The following ALDH6A1 variants were observed in gnomAD, a reference collection of about 807,000 sequenced individuals.
The protein encoded by ALDH6A1 is methylmalonate-semialdehyde/malonate-semialdehyde dehydrogenase [acylating], mitochondrial.
A neutral mutation model predicts 62.6 loss-of-function variants in ALDH6A1; 43 were observed. That is an observed-to-expected ratio of 0.69 (90% CI 0.54 to 0.89). The LOEUF (loss-of-function observed/expected upper bound fraction) is 0.89, where lower values mean the gene tolerates loss of function less well. Ranked by LOEUF, ALDH6A1 falls within the 40% of genes least tolerant of loss-of-function variation. ALDH6A1 has a pLI of 0.00. For synonymous variants in ALDH6A1, 194 were observed against 234.2 expected, an observed-to-expected ratio of 0.83 and a Z score of 1.57; for missense variants, 551 against 661.3, an observed-to-expected ratio of 0.83 and a Z score of 1.83.
At chr14:74,078,360 CTTTT>C (rs201196501) in intron 1 of ALDH6A1, 1 of 301,908 alleles carries the variant, frequency 3.3e-6, no homozygotes, top group African/African-American at 2.3e-5. Context: ...GAGGTATATA[CTTTT>C]TTTTTTTGAG....
intron 2 of ALDH6A1, among the ~76,000 whole-genome samples, chr14:74,074,687 TGACA>T (rs888353533): frequency 3.9e-5 from 6 of 152,132 alleles, no homozygotes; most frequent in Non-Finnish European, 7.4e-5. Context: ...TGGAAGTGGT[TGACA>T]GACAGATGAT....
intron 9 of ALDH6A1, chr14:74,065,807 C>T: frequency 5.4e-6 from 1 of 185,106 alleles, no homozygotes; most frequent in East Asian, 1.4e-4. Flanking sequence ...TTATTCACTC[C>T]TTTGCCTCCC....
At position 74,056,998 on chromosome 14, in the gene ALDH6A1, T is replaced by C; in HGVS notation, c.*3644A>G. 1 of 1,606,698 alleles carries C rather than the reference T, an allele frequency of 6.2e-7. No homozygotes were observed. The highest frequency in any genetic ancestry group is 8.5e-7 in the Non-Finnish European group (1 of 1,174,680). On this transcript the variant is annotated 3_prime_UTR_variant, in exon 12 of 12. Coordinates refer to ENST00000553458, the MANE Select transcript of ALDH6A1 (RefSeq NM_005589.4). ...GAATTTGGGTAAGAGCTCTCTTGCTTAAGTAATAAACATGAGCCCAACACG... is the reference window on the plus strand; with the variant it reads ...GAATTTGGGTAAGAGCTCTCTTGCTCAAGTAATAAACATGAGCCCAACACG...
At chr14:74,082,070 G>C (rs571057294) in intron 1 of ALDH6A1, among the ~76,000 whole-genome samples, 2 of 152,072 alleles carry the variant, frequency 1.3e-5, no homozygotes, top group African/African-American at 4.8e-5. Context: ...AGCTGGCATG[G>C]GGGCACGATC....
At chr14:74,076,221 A>G (rs539032659) in intron 1 of ALDH6A1, among the ~76,000 whole-genome samples, 19 of 152,340 alleles carry the variant, frequency 1.2e-4, no homozygotes, top group Admixed American at 2.0e-4. Context: ...ATAAAGCTAT[A>G]TTGAAATGCC....
Position 74,059,084 on chromosome 14 carries a change from CAA to C in ALDH6A1, c.*1556_*1557del, listed in dbSNP as rs35760969. ...GGGCAACAAGAGTGAAACTCCATCT[CAA>C]AAAAAAAAAAAAAAAAAAAAGCGTA... On this transcript the variant is annotated 3_prime_UTR_variant, in exon 12 of 12. Transcript: ENST00000553458. 890 of 49,642 alleles carry C rather than the reference CAA, an allele frequency of 0.018. No individual in the cohort carries two copies. Among genetic ancestry groups the C allele is most frequent in the South Asian group, 0.055 (138 of 2,494 alleles). The allele number at this position is 49,642 out of a possible 1,614,324, so 3.1% of individuals were successfully genotyped here. A position where few individuals can be genotyped will look rare whatever the true frequency, so the allele number is the denominator to read the frequency against.
In ALDH6A1 at chr14:74,071,513, C is replaced by A. The variant is rs2060548483; in HGVS notation, c.428-16G>T. 3 of 1,613,298 alleles carry A rather than the reference C, an allele frequency of 1.9e-6. No homozygotes were observed. In the South Asian group the frequency reaches 3.3e-5, roughly 18 times the overall value. On this transcript the variant is annotated splice_polypyrimidine_tract_variant and intron_variant, in intron 5 of 11. Transcript: ENST00000553458. ...TCAACCACCTCTGGAACACAGAAGT[C>A]AGGCCATCAGCTCTCCACACTGTGT...
rs139562677 is a variant in ALDH6A1, at chr14:74,062,983, C to T, written c.1503+1839G>A. Among the ~76,000 whole-genome samples, 243 of 152,256 alleles carry T rather than the reference C, an allele frequency of 1.6e-3. 10 individuals are homozygous for T. In the East Asian group the frequency reaches 0.043, roughly 27 times the overall value. On this transcript the variant is annotated intron_variant, in intron 11 of 11. Transcript: ENST00000553458. ...CCAGGTACTGCAGATAAGTAGATAA[C>T]AACTACAGTCTGATGAGGGCTTCTT...
intron 1 of ALDH6A1, among the ~76,000 whole-genome samples, chr14:74,084,138 G>C (rs1377410774): frequency 1.3e-5 from 2 of 152,126 alleles, no homozygotes; most frequent in Non-Finnish European, 2.9e-5. Context: ...AGGGTAGAGG[G>C]CCAAGGGTAA....
At chr14:74,075,283 T>C (rs535655352) in intron 1 of ALDH6A1, among the ~76,000 whole-genome samples, 1 of 152,284 alleles carries the variant, frequency 6.6e-6, no homozygotes, top group East Asian at 1.9e-4. Flanking sequence ...AATTTGGGCC[T>C]GGCAAATGTA....
Position 74,074,956 on chromosome 14 carries a change from A to G in ALDH6A1, c.110T>C (p.Val37Ala), listed in dbSNP as rs770633498. 1.9e-6 allele frequency: 3 copies of G among 1,613,918 alleles called. No homozygotes were observed. In the African/African-American group the frequency reaches 4.0e-5, roughly 22 times the overall value. Residue 37 changes from valine (V) to alanine (A), a missense_variant and splice_region_variant, in exon 2 of 12, where the codon GTG becomes GCG. By Grantham distance (64) the Val-to-Ala change is moderately conservative. Coordinates refer to ENST00000553458, the MANE Select transcript of ALDH6A1 (RefSeq NM_005589.4). ...WYSASSFSSSVPTVKLFIGGK... is the reference protein window; with the variant it reads ...WYSASSFSSSAPTVKLFIGGK... ...AACCTCTATGCCAAATAAACTCACC[A>G]CTGAAGAAGAGAAGGAAGATGCTGA...
Position 74,065,353 on chromosome 14 carries a change from A to G in ALDH6A1, c.1232T>C (p.Met411Thr). 1 of 1,614,040 alleles carries G rather than the reference A, an allele frequency of 6.2e-7. No individual in the cohort carries two copies. The highest frequency in any genetic ancestry group is 1.3e-5 in the African/African-American group (1 of 75,064). Residue 411 changes from methionine to threonine, a missense_variant, in exon 10 of 12, where the codon ATG becomes ACG. Physicochemically the swap from Met to Thr is moderately conservative, Grantham distance 81. Transcript: ENST00000553458. Reference sequence around the variant, plus strand: ...AAAAATCTCCTCTTTGTAACAGGTCATATTTGGCTGCCAGGAGTGATGCAT... The same window carrying G: ...AAAAATCTCCTCTTTGTAACAGGTCGTATTTGGCTGCCAGGAGTGATGCAT... The part of the protein sequence containing the change: ...PTIISNVKPN[M>T]TCYKEEIFGP...
chr14:74,072,409 C>T (rs753544118), intron 3 of ALDH6A1, 45 bp from the exon 4 acceptor site: 2 of 1,613,988 alleles, frequency 1.2e-6, no homozygotes, highest in Non-Finnish European at 1.7e-6. Context: ...GACTCACCTT[C>T]TCCACTGTAC....
In ALDH6A1 at chr14:74,069,038, C is replaced by T. The variant is rs1400077636; in HGVS notation, c.731-57G>A. On this transcript the variant is annotated intron_variant, in intron 6 of 11. Coordinates refer to ENST00000553458, the MANE Select transcript of ALDH6A1 (RefSeq NM_005589.4). Reference sequence around the variant, plus strand: ...AGGAGCAAATGGATTCTCAACATGGCAAATTTCCCCTTTCCCCACTGCTAT... The same window carrying T: ...AGGAGCAAATGGATTCTCAACATGGTAAATTTCCCCTTTCCCCACTGCTAT... 12 of 1,569,948 alleles carry T rather than the reference C, an allele frequency of 7.6e-6. 1 individual carries two copies. Among genetic ancestry groups the T allele is most frequent in the Non-Finnish European group, 1.7e-6 (2 of 1,150,910 alleles).
chr14:74,057,702 A>T lies in ALDH6A1; in HGVS notation c.*2940T>A. ...GTTTTTAATTTATAATTTGTTATTC[A>T]TAATTAGTACAATGTAGAATCTGAG... is the stretch of plus-strand genomic sequence containing the variant. On this transcript the variant is annotated 3_prime_UTR_variant, in exon 12 of 12. Coordinates refer to ENST00000553458, the MANE Select transcript of ALDH6A1 (RefSeq NM_005589.4). 3 of 1,256,834 alleles carry T rather than the reference A, an allele frequency of 2.4e-6. No homozygotes were observed. Among genetic ancestry groups the T allele is most frequent in the African/African-American group, 1.6e-5 (1 of 63,672 alleles). 77.9% of individuals were successfully genotyped at this position (1,256,834 alleles called of 1,614,324 possible).
Position 74,070,738 on chromosome 14 carries a change from A to G in ALDH6A1, c.730+457T>C, listed in dbSNP as rs1265119901. 1.7e-5 allele frequency: 3 copies of G among 175,562 alleles called. No individual in the cohort carries two copies. In the East Asian group the frequency reaches 4.9e-4, roughly 29 times the overall value. 10.9% of individuals were successfully genotyped at this position (175,562 alleles called of 1,614,324 possible). ...ATTTTTCTCTTCTGCAAAATGGAAAAATAATACCTACCTCAAAGGGTGATT... is the reference window on the plus strand; with the variant it reads ...ATTTTTCTCTTCTGCAAAATGGAAAGATAATACCTACCTCAAAGGGTGATT... On this transcript the variant is annotated intron_variant, in intron 6 of 11. Coordinates refer to ENST00000553458, the MANE Select transcript of ALDH6A1 (RefSeq NM_005589.4).
intron 11 of ALDH6A1, among the ~76,000 whole-genome samples, chr14:74,061,525 C>G (rs943377459): frequency 2.0e-5 from 3 of 152,094 alleles, no homozygotes; most frequent in Non-Finnish European, 4.4e-5. Flanking sequence ...TGGCTAGCAC[C>G]ATGTTGGCCA....
intron 1 of ALDH6A1, among the ~76,000 whole-genome samples, chr14:74,076,190 T>C (rs961402326): frequency 2.6e-5 from 4 of 152,072 alleles, no homozygotes; most frequent in Non-Finnish European, 5.9e-5. Flanking sequence ...GTACAGATTG[T>C]TTTGTGTCAA....
At position 74,057,990 on chromosome 14, in the gene ALDH6A1, G is replaced by A. The variant is rs10150949; in HGVS notation, c.*2652C>T. ...TTCCACTTGGAATATAGACAATAAT[G>A]ACCTTTTATTTAACCCAGCCTATAG... On this transcript the variant is annotated 3_prime_UTR_variant, in exon 12 of 12. Coordinates refer to ENST00000553458, the MANE Select transcript of ALDH6A1 (RefSeq NM_005589.4). The A allele has an allele frequency of 1.7e-3, 1,354 of 809,176 alleles. 17 individuals are homozygous for A. In the African/African-American group the frequency reaches 0.024, roughly 14 times the overall value. The allele number at this position is 809,176 out of a possible 1,614,324, so 50.1% of individuals were successfully genotyped here.
Sources: gnomAD v4.1 joint callset for allele counts (sites outside exome capture counted in the v4.1 genomes callset) on GRCh38, gnomAD v4.1.1 for gene constraint, MANE v1.5 for transcripts, NCBI Gene and HGNC (gene_info 2026-07-23, HGNC 2026-07-21) for gene names.